The following FRYL variants were observed in gnomAD, a reference collection of about 807,000 sequenced individuals.
The protein encoded by FRYL is protein furry homolog-like.
In FRYL, 150 loss-of-function variants were observed where a neutral mutation model predicts 351.2. That is an observed-to-expected ratio of 0.43 (90% confidence interval 0.37 to 0.49). The LOEUF (loss-of-function observed/expected upper bound fraction) is 0.49. Ranked by LOEUF, FRYL falls within the 20% of genes least tolerant of loss-of-function variation. The pLI is 0.00. For synonymous variants in FRYL, 1,153 were observed against 1,257.1 expected (o/e 0.92, Z 1.75); for missense variants, 3,036 against 3,619.3 (o/e 0.84, Z 4.13).
chr4:48,621,736 C>T lies in FRYL; in HGVS notation c.175-958G>A, dbSNP rs77451760. Among the ~76,000 whole-genome samples the T allele has an allele frequency of 8.1e-3, 1,230 of 152,172 alleles. 30 individuals carry two copies. The highest frequency in any genetic ancestry group is 0.051 in the Admixed American group (773 of 15,276). On this transcript the variant is annotated intron_variant, in intron 5 of 63. Transcript: ENST00000358350. ...TAAATTGATACCTCTGTAAATTGAA[C>T]ATTTAATTTTCCTGTTATTTCATAT... is the stretch of plus-strand genomic sequence containing the variant.
In FRYL at chr4:48,620,771, C is replaced by T. The variant is rs1188221122; in HGVS notation, c.182G>A (p.Ser61Asn). 6.2e-6 allele frequency: 10 copies of T among 1,611,832 alleles called. No individual in the cohort carries two copies. Among genetic ancestry groups the T allele is most frequent in the Admixed American group, 5.0e-5 (3 of 59,876 alleles). Reference protein sequence around the residue: ...GEDLQFDQLISSMSSVAEHCL... With the variant: ...GEDLQFDQLINSMSSVAEHCL... Reference sequence around the variant, plus strand: ...GTGCTCTGCTACTGAGCTCATAGAGCTTATCAACTGAAAACACAAGATATT... The same window carrying T: ...GTGCTCTGCTACTGAGCTCATAGAGTTTATCAACTGAAAACACAAGATATT... Residue 61 changes from serine (S) to asparagine (N), a missense_variant, in exon 6 of 64, where the codon AGC becomes AAC. By Grantham distance (46) the Ser-to-Asn change is conservative. Transcript: ENST00000358350.
intron 59 of FRYL, among the ~76,000 whole-genome samples, chr4:48,507,681 T>A (rs1279646906): frequency 1.3e-5 from 2 of 149,534 alleles, no homozygotes; most frequent in African/African-American, 2.5e-5. Context: ...ACAGTTTCAC[T>A]GGGCTGGGAA....
intron 47 of FRYL, among the ~76,000 whole-genome samples, chr4:48,537,592 C>T (rs900770493): frequency 6.6e-6 from 1 of 152,170 alleles, no homozygotes; most frequent in African/African-American, 2.4e-5. Flanking sequence ...TAATTCACAT[C>T]CTGCAGGTTG....
At chr4:48,681,879 C>G (rs764886949) in intron 3 of FRYL, among the ~76,000 whole-genome samples, 7 of 152,006 alleles carry the variant, frequency 4.6e-5, no homozygotes, top group Non-Finnish European at 8.8e-5. Context: ...AACTGAGCAC[C>G]CTACAAAATA....
intron 4 of FRYL, among the ~76,000 whole-genome samples, chr4:48,631,551 A>G (rs1273062070): frequency 6.6e-6 from 1 of 152,024 alleles, no homozygotes; most frequent in Non-Finnish European, 1.5e-5. Context: ...TCTACTGAGT[A>G]CCCACCACCA....
At chr4:48,502,796 G>C in intron 61 of FRYL, 32 bp downstream of exon 61, 1 of 1,581,738 alleles carries the variant, frequency 6.3e-7, no homozygotes, top group Non-Finnish European at 8.7e-7. Context: ...TGGCAAGGGT[G>C]AGTAGTCTAT....
intron 1 of FRYL, among the ~76,000 whole-genome samples, chr4:48,760,314 C>T (rs1774272136): frequency 6.6e-6 from 1 of 152,058 alleles, no homozygotes; most frequent in South Asian, 2.1e-4. Context: ...TTAATTTTCA[C>T]TTTATATTCT....
At chr4:48,769,840 A>T (rs1190262626) in intron 1 of FRYL, among the ~76,000 whole-genome samples, 1 of 152,210 alleles carries the variant, frequency 6.6e-6, no homozygotes, top group Non-Finnish European at 1.5e-5. Context: ...TACATACAGT[A>T]TGATTCCATT....
intron 3 of FRYL, chr4:48,653,909 C>T: frequency 8.0e-7 from 1 of 1,247,792 alleles, no homozygotes; most frequent in South Asian, 1.4e-5. Context: ...TCACAGGCAG[C>T]AGAGTTTTGG....
intron 1 of FRYL, among the ~76,000 whole-genome samples, chr4:48,712,333 G>A (rs1218312139): frequency 1.3e-5 from 2 of 152,044 alleles, no homozygotes; most frequent in Non-Finnish European, 2.9e-5. Context: ...AAATTTAGAG[G>A]AATGTATAAC....
At chr4:48,725,695 A>G (rs1015688930) in intron 1 of FRYL, among the ~76,000 whole-genome samples, 8 of 152,020 alleles carry the variant, frequency 5.3e-5, no homozygotes, top group African/African-American at 1.7e-4. Flanking sequence ...TATCAGATCC[A>G]CTCTCGCAGT....
chr4:48,666,741 G>A (rs1220507275), intron 3 of FRYL, among the ~76,000 whole-genome samples: 1 of 152,030 alleles, frequency 6.6e-6, no homozygotes, highest in African/African-American at 2.4e-5. Context: ...TACAATGAAC[G>A]TTTCATAGTT....
At chr4:48,556,044 G>A (rs1039925676) in intron 35 of FRYL, among the ~76,000 whole-genome samples, 4 of 152,036 alleles carry the variant, frequency 2.6e-5, no homozygotes, top group African/African-American at 7.3e-5. Flanking sequence ...ACAGGCATGC[G>A]CCACCACACC....
At chr4:48,712,136 C>A (rs1318888172) in intron 1 of FRYL, among the ~76,000 whole-genome samples, 3 of 152,000 alleles carry the variant, frequency 2.0e-5, no homozygotes, top group Non-Finnish European at 4.4e-5. Flanking sequence ...AGCAGAAAAA[C>A]TGGAAACTCT....
At chr4:48,741,959 G>T (rs1772136470) in intron 1 of FRYL, among the ~76,000 whole-genome samples, 1 of 152,178 alleles carries the variant, frequency 6.6e-6, no homozygotes, top group Non-Finnish European at 1.5e-5. Context: ...TTAGAAGTTT[G>T]TCCAAACCCA....
At chr4:48,580,787 TGC>T in intron 22 of FRYL, 76 bp downstream of exon 22, 2 of 874,342 alleles carry the variant, frequency 2.3e-6, no homozygotes, top group Non-Finnish European at 3.7e-6. Context: ...ATTTTATGTA[TGC>T]ACATGTACAT....
chr4:48,691,807 AACACTGTAT>A (rs1468195106), intron 2 of FRYL, among the ~76,000 whole-genome samples: 13 of 152,320 alleles, frequency 8.5e-5, no homozygotes, highest in Non-Finnish European at 1.6e-4. Flanking sequence ...ACATAAATTA[AACACTGTAT>A]ACACTGTATA....
At position 48,576,172 on chromosome 4, in the gene FRYL, T is replaced by C; in HGVS notation, c.2579A>G (p.Tyr860Cys). 6.2e-7 allele frequency: 1 copy of C among 1,613,358 alleles called. No homozygotes were observed. The highest frequency in any genetic ancestry group is 8.5e-7 in the Non-Finnish European group (1 of 1,179,736). The stretch of plus-strand genomic sequence containing the variant: ...CAGATAGTTTCTCCACAGGCCAATG[T>C]ATGAGTCACTGCTTGTGGTGGTATT... ...KVNTTTSSDS[Y>C]IGLWRNYLIL... The change falls in exon 24 of 64, where the codon TAC (tyrosine) becomes TGC (cysteine). Residue 860 changes from tyrosine (Y) to cysteine (C), a missense_variant. This residue lies in a region of FRYL where 492 missense variants were observed against 551.5 expected (regional missense o/e 0.89). Transcript: ENST00000358350.
chr4:48,594,406 T>TG (rs1560679575), intron 15 of FRYL, among the ~76,000 whole-genome samples: 4 of 147,102 alleles, frequency 2.7e-5, no homozygotes, highest in East Asian at 2.0e-4. Flanking sequence ...TCCCGGGGGG[T>TG]GGGGGGAAGT....
Sources: gnomAD v4.1 joint callset for allele counts (sites outside exome capture counted in the v4.1 genomes callset) on GRCh38, gnomAD v4.1.1 for gene constraint, gnomAD v4.1.1 regional missense constraint, MANE v1.5 for transcripts, NCBI Gene and HGNC (gene_info 2026-07-23, HGNC 2026-07-21) for gene names.